SLIT2: variants seen among roughly 807,000 people sequenced by gnomAD.
The protein encoded by SLIT2 is slit guidance ligand 2.
A neutral mutation model predicts 185.7 loss-of-function variants in SLIT2; 41 were observed. The observed-to-expected ratio is 0.22, with a 90% CI of 0.17 to 0.29. The LOEUF (loss-of-function observed/expected upper bound fraction) is 0.29, where lower values mean the gene tolerates loss of function less well. Among genes scored for constraint, SLIT2 ranks in the 10% least tolerant of loss-of-function variants. SLIT2 has a pLI of 1.00. For synonymous variants in SLIT2, 693 were observed against 680.2 expected (o/e 1.02, Z -0.29); for missense variants, 1,571 against 1,909.0 (o/e 0.82, Z 3.30).
intron 4 of SLIT2, among the ~76,000 whole-genome samples, chr4:20,417,626 A>G (rs888860940): frequency 2.0e-5 from 3 of 151,480 alleles, no homozygotes; most frequent in African/African-American, 7.3e-5. Flanking sequence ...AGTTCAAGCT[A>G]TTCCCCTGCT....
chr4:20,401,003 A>G (rs148664693), intron 4 of SLIT2, among the ~76,000 whole-genome samples: 2 of 151,954 alleles, frequency 1.3e-5, no homozygotes, highest in African/African-American at 4.8e-5. Context: ...CTTAGGGCAC[A>G]TGTAACAAAA....
intron 4 of SLIT2, among the ~76,000 whole-genome samples, chr4:20,423,195 A>G (rs1728297060): frequency 6.6e-6 from 1 of 152,090 alleles, no homozygotes; most frequent in African/African-American, 2.4e-5. Context: ...GGAAACACTG[A>G]GATTGGGGAT....
chr4:20,289,980 C>G (rs1025397502), intron 4 of SLIT2, among the ~76,000 whole-genome samples: 1 of 151,604 alleles, frequency 6.6e-6, no homozygotes, highest in African/African-American at 2.4e-5. Flanking sequence ...ATATGCAGTT[C>G]CTACGATATG....
intron 21 of SLIT2, among the ~76,000 whole-genome samples, chr4:20,544,997 T>C (rs1382428900): frequency 1.3e-5 from 2 of 152,166 alleles, no homozygotes; most frequent in African/African-American, 4.8e-5. Flanking sequence ...GACCCAATTA[T>C]TTATCAAACA....
chr4:20,524,574 T>A (rs1223270416), intron 14 of SLIT2, among the ~76,000 whole-genome samples: 1 of 152,202 alleles, frequency 6.6e-6, no homozygotes, highest in South Asian at 2.1e-4. Flanking sequence ...GAATTGAGAC[T>A]TGGTTACATG....
intron 4 of SLIT2, among the ~76,000 whole-genome samples, chr4:20,368,673 G>T (rs1723330360): frequency 6.6e-6 from 1 of 152,082 alleles, no homozygotes; most frequent in African/African-American, 2.4e-5. Context: ...CAGTCTAGTG[G>T]TGAGAATTTG....
At chr4:20,296,425 G>A (rs922395919) in intron 4 of SLIT2, among the ~76,000 whole-genome samples, 1 of 152,292 alleles carries the variant, frequency 6.6e-6, no homozygotes, top group Non-Finnish European at 1.5e-5. Flanking sequence ...TTTAGAAAAT[G>A]TGTCTATTGC....
chr4:20,449,288 C>T (rs1018640129), intron 4 of SLIT2, among the ~76,000 whole-genome samples: 1 of 152,026 alleles, frequency 6.6e-6, no homozygotes, highest in African/African-American at 2.4e-5. Context: ...GGACACTTTG[C>T]CCATGGGAAA....
chr4:20,557,012 CTCTT>C (rs1049888349), intron 26 of SLIT2, among the ~76,000 whole-genome samples: 3 of 152,026 alleles, frequency 2.0e-5, no homozygotes, highest in African/African-American at 7.3e-5. Flanking sequence ...GGCCCCAACT[CTCTT>C]TATTTTTATG....
At chr4:20,363,783 T>A (rs1045897741) in intron 4 of SLIT2, among the ~76,000 whole-genome samples, 81 of 152,208 alleles carry the variant, frequency 5.3e-4, no homozygotes, top group African/African-American at 1.9e-3. Flanking sequence ...AATGTAAAAT[T>A]TGATCTATAA....
At chr4:20,596,100 A>T (rs909698241) in intron 31 of SLIT2, among the ~76,000 whole-genome samples, 4 of 152,218 alleles carry the variant, frequency 2.6e-5, no homozygotes, top group African/African-American at 4.8e-5. Flanking sequence ...AAAATAAAAA[A>T]ATTTTAAGAC....
chr4:20,460,836 A>G (rs1030575294), intron 4 of SLIT2, among the ~76,000 whole-genome samples: 1 of 152,204 alleles, frequency 6.6e-6, no homozygotes, highest in Admixed American at 6.5e-5. Flanking sequence ...GTCAACTTAA[A>G]TTACAGAATT....
intron 4 of SLIT2, among the ~76,000 whole-genome samples, chr4:20,452,064 T>G (rs1712533786): frequency 6.6e-6 from 1 of 152,238 alleles, no homozygotes; most frequent in Non-Finnish European, 1.5e-5. Context: ...ATGTTTTAAT[T>G]GCAAAACTTT....
At chr4:20,281,701 A>G (rs1400674547) in intron 4 of SLIT2, among the ~76,000 whole-genome samples, 1 of 152,204 alleles carries the variant, frequency 6.6e-6, no homozygotes, top group African/African-American at 2.4e-5. Flanking sequence ...GGAATGAGAA[A>G]GCAGCATAGT....
intron 11 of SLIT2, among the ~76,000 whole-genome samples, chr4:20,515,965 G>T (rs1223763858): frequency 6.6e-6 from 1 of 152,132 alleles, no homozygotes. Context: ...ACAGGCGCCT[G>T]CTACCACACT....
chr4:20,579,160 C>T (rs561482961), intron 29 of SLIT2, among the ~76,000 whole-genome samples: 103 of 151,750 alleles, frequency 6.8e-4, no homozygotes, highest in African/African-American at 2.2e-3. Context: ...ATCAGCTGGG[C>T]GTGGTGGTGC....
At chr4:20,453,262 A>G (rs1712675911) in intron 4 of SLIT2, among the ~76,000 whole-genome samples, 1 of 152,192 alleles carries the variant, frequency 6.6e-6, no homozygotes, top group South Asian at 2.1e-4. Flanking sequence ...CTTAATGCTT[A>G]CTGGGATTGT....
chr4:20,292,020 T>C (rs1013928210), intron 4 of SLIT2, among the ~76,000 whole-genome samples: 13 of 152,090 alleles, frequency 8.5e-5, no homozygotes, highest in African/African-American at 3.1e-4. Flanking sequence ...GGCTGGACTA[T>C]GGCTGAGATT....
At chr4:20,359,109 A>C (rs968468744) in intron 4 of SLIT2, among the ~76,000 whole-genome samples, 13 of 152,178 alleles carry the variant, frequency 8.5e-5, no homozygotes, top group African/African-American at 3.1e-4. Flanking sequence ...ACTGGTACCC[A>C]ACACATATCC....
Sources: allele counts gnomAD v4.1 joint callset (sites outside exome capture counted in the v4.1 genomes callset), GRCh38; gene constraint gnomAD v4.1.1; transcripts MANE v1.5; gene names NCBI Gene and HGNC (gene_info 2026-07-23, HGNC 2026-07-21).